The following STK32B variants were observed in gnomAD, a reference collection of about 807,000 sequenced individuals.
The protein encoded by STK32B is serine/threonine kinase 32B.
STK32B carries 43 observed loss-of-function variants against 52.6 expected under a neutral mutation model. The observed-to-expected ratio is 0.82, with a 90% CI of 0.64 to 1.05. The LOEUF is 1.05. STK32B is among the 50% of genes least tolerant of loss of function. STK32B has a pLI of 0.00. For missense variants in STK32B, 621 were observed against 534.6 expected, an observed-to-expected ratio of 1.16 and a Z score of -1.59; for synonymous variants, 238 against 204.3, an observed-to-expected ratio of 1.17 and a Z score of -1.41.
intron 5 of STK32B, among the ~76,000 whole-genome samples, chr4:5,414,365 TC>T (rs1711973750): frequency 3.2e-5 from 1 of 31,662 alleles, no homozygotes; most frequent in East Asian, 7.0e-4. Flanking sequence ...CACCTTGTAA[TC>T]AAATACATTA....
At chr4:5,369,496 A>G (rs927292115) in intron 4 of STK32B, among the ~76,000 whole-genome samples, 2 of 152,142 alleles carry the variant, frequency 1.3e-5, no homozygotes, top group African/African-American at 4.8e-5. Flanking sequence ...GCCAGGGGAC[A>G]GAATGCAAAT....
intron 2 of STK32B, among the ~76,000 whole-genome samples, chr4:5,150,949 C>G (rs962270508): frequency 6.6e-6 from 1 of 152,136 alleles, no homozygotes; most frequent in African/African-American, 2.4e-5. Flanking sequence ...AGAGGCATAC[C>G]ACTTTCCCCC....
At position 5,334,378 on chromosome 4, in the gene STK32B, C is replaced by T. The variant is rs200855849; in HGVS notation, c.434+2985C>T. Among the ~76,000 whole-genome samples the T allele has an allele frequency of 1.7e-3, 178 of 107,236 alleles. 1 individual carries two copies. The highest frequency in any genetic ancestry group is 6.0e-3 in the African/African-American group (167 of 27,660). The allele number at this position is 107,236 out of a possible 152,430, so 70.4% of individuals were successfully genotyped here. ...CTTATCAGCTTAAGGAGATTTTGGG[C>T]TGAGACAATGGGGTTTTCTAGGTAT... is the stretch of plus-strand genomic sequence containing the variant. On this transcript the variant is annotated intron_variant, in intron 4 of 11. Transcript: ENST00000282908.
At chr4:5,210,508 C>T (rs776627935) in intron 3 of STK32B, among the ~76,000 whole-genome samples, 8 of 152,164 alleles carry the variant, frequency 5.3e-5, no homozygotes, top group Non-Finnish European at 8.8e-5. Context: ...TCACCGAAGA[C>T]AAACCTGCAC....
chr4:5,256,641 T>C (rs1726320613), intron 3 of STK32B, among the ~76,000 whole-genome samples: 1 of 152,218 alleles, frequency 6.6e-6, no homozygotes. Context: ...CCTTAAGGCC[T>C]GAGTCAGACA....
rs1560185754 is a variant in STK32B, at chr4:5,159,566, AATATATATGAATATATAT to A, written c.109-8730_109-8713del. Among the ~76,000 whole-genome samples, 24 of 69,160 alleles carry A rather than the reference AATATATATGAATATATAT, an allele frequency of 3.5e-4. 3 individuals are homozygous for A. Among genetic ancestry groups the A allele is most frequent in the Admixed American group, 8.3e-4 (5 of 6,038 alleles). 45.4% of individuals were successfully genotyped at this position (69,160 alleles called of 152,430 possible). Reference sequence around the variant, plus strand: ...GTATATATATGAATATATATGAATGAATATATATGAATATATATATGAATATATATGAATATATATATG... The same window carrying A: ...GTATATATATGAATATATATGAATGAATGAATATATATGAATATATATATG... On this transcript the variant is annotated intron_variant, in intron 2 of 11. Coordinates refer to ENST00000282908, the MANE Select transcript of STK32B (RefSeq NM_018401.3).
intron 4 of STK32B, among the ~76,000 whole-genome samples, chr4:5,332,306 G>C (rs779498613): frequency 3.2e-4 from 48 of 152,068 alleles, no homozygotes; most frequent in Middle Eastern, 3.2e-3. Flanking sequence ...TAGAGTGATC[G>C]ATGACTTAGG....
At chr4:5,416,733 A>G in intron 5 of STK32B, 112 bp from the exon 6 acceptor site, 1 of 763,216 alleles carries the variant, frequency 1.3e-6, no homozygotes, top group Non-Finnish European at 2.1e-6. Flanking sequence ...TAGTATTATA[A>G]ATAGAAGTTC....
intron 3 of STK32B, among the ~76,000 whole-genome samples, chr4:5,284,519 A>T (rs1728420929): frequency 6.6e-6 from 1 of 152,202 alleles, no homozygotes; most frequent in Admixed American, 6.5e-5. Context: ...TTAATCTATT[A>T]TAAAAAGTTA....
At chr4:5,122,369 T>TTCACTCACTTATTCATTCACTCAC (rs1553828475) in intron 1 of STK32B, among the ~76,000 whole-genome samples, 2 of 47,538 alleles carry the variant, frequency 4.2e-5, no homozygotes, top group African/African-American at 1.4e-4. Context: ...TGTTCACTCA[T>TTCACTCACTTATTCATTCACTCAC]TCACTCATTC....
intron 3 of STK32B, among the ~76,000 whole-genome samples, chr4:5,325,819 A>G (rs1731835413): frequency 6.6e-6 from 1 of 152,334 alleles, no homozygotes; most frequent in South Asian, 2.1e-4. Flanking sequence ...GTTCAGCACT[A>G]TTATGAGAAT....
At chr4:5,466,448 A>G (rs1443436799) in intron 9 of STK32B, among the ~76,000 whole-genome samples, 2 of 152,208 alleles carry the variant, frequency 1.3e-5, no homozygotes, top group Non-Finnish European at 2.9e-5. Flanking sequence ...AGGCATAGAA[A>G]GGGGCCTAAG....
At chr4:5,204,054 C>T (rs28524590) in intron 3 of STK32B, 14,843 of 152,368 alleles carry the variant, frequency 0.097, 880 homozygotes, top group Non-Finnish European at 0.13. Flanking sequence ...CTTGACACCA[C>T]ACTGTAGCTT....
chr4:5,342,665 A>T (rs1306078572), intron 4 of STK32B, among the ~76,000 whole-genome samples: 1 of 152,180 alleles, frequency 6.6e-6, no homozygotes, highest in Non-Finnish European at 1.5e-5. Flanking sequence ...GAAATTACAT[A>T]TCAACATGGG....
chr4:5,384,949 T>G (rs1736150261), intron 4 of STK32B, among the ~76,000 whole-genome samples: 1 of 152,000 alleles, frequency 6.6e-6, no homozygotes, highest in Non-Finnish European at 1.5e-5. Flanking sequence ...AGATGCCCAG[T>G]CACACGGTTG....
chr4:5,080,848 TTAGTAACTC>T (rs1712373811), intron 1 of STK32B, among the ~76,000 whole-genome samples: 1 of 152,214 alleles, frequency 6.6e-6, no homozygotes, highest in Non-Finnish European at 1.5e-5. Flanking sequence ...CAATACATTA[TTAGTAACTC>T]TAGTAACTCT....
intron 11 of STK32B, among the ~76,000 whole-genome samples, chr4:5,494,544 G>C (rs374564187): frequency 6.2e-4 from 95 of 152,262 alleles, no homozygotes; most frequent in African/African-American, 1.8e-3. Context: ...GCCAGTCTGT[G>C]TCTTTTAATT....
chr4:5,092,508 C>T (rs2108784790), intron 1 of STK32B, among the ~76,000 whole-genome samples: 1 of 149,012 alleles, frequency 6.7e-6, no homozygotes, highest in East Asian at 2.0e-4. Flanking sequence ...GCACTCTAGC[C>T]TGGGCGACAG....
At chr4:5,122,272 A>T (rs1168228216) in intron 1 of STK32B, among the ~76,000 whole-genome samples, 2 of 151,608 alleles carry the variant, frequency 1.3e-5, no homozygotes, top group African/African-American at 2.4e-5. Flanking sequence ...TCATTCATTC[A>T]TTCACTCACC....
Sources: gnomAD v4.1 joint callset for allele counts (sites outside exome capture counted in the v4.1 genomes callset) on GRCh38, gnomAD v4.1.1 for gene constraint, MANE v1.5 for transcripts, NCBI Gene and HGNC (gene_info 2026-07-23, HGNC 2026-07-21) for gene names.